Variants in CEP112 observed in about 807,000 individuals in gnomAD.
The protein encoded by CEP112 is centrosomal protein 112.
CEP112 carries 127 observed loss-of-function variants against 153.0 expected under a neutral mutation model. That is an observed-to-expected ratio of 0.83 (90% CI 0.72 to 0.96). The LOEUF (loss-of-function observed/expected upper bound fraction) is 0.96. Among genes scored for constraint, CEP112 ranks in the 40% least tolerant of loss-of-function variants. The probability of loss-of-function intolerance (pLI) is 0.00; values close to 1 mark genes in which losing one functional copy is unlikely to be tolerated. For missense variants in CEP112, 1,089 were observed against 1,101.2 expected (o/e 0.99, Z 0.16); for synonymous variants, 358 against 374.4 (o/e 0.96, Z 0.51).
At chr17:65,840,474 C>T (rs2057475456) in intron 21 of CEP112, among the ~76,000 whole-genome samples, 2 of 152,130 alleles carry the variant, frequency 1.3e-5, no homozygotes, top group South Asian at 4.2e-4. Context: ...AAACCAGGAC[C>T]CTATCTCTCA....
chr17:65,782,547 C>G (rs2054055354), intron 21 of CEP112, among the ~76,000 whole-genome samples: 1 of 152,136 alleles, frequency 6.6e-6, no homozygotes, highest in Admixed American at 6.5e-5. Context: ...CATGAGTGCT[C>G]ACTGCAGCAC....
chr17:66,102,951 T>TGGTG (rs1053220870), intron 6 of CEP112, among the ~76,000 whole-genome samples: 6 of 151,936 alleles, frequency 3.9e-5, no homozygotes, highest in Admixed American at 6.6e-5. Context: ...TAGCCAGGTG[T>TGGTG]GGTGGCTCAC....
chr17:65,762,990 G>A (rs1275369350), intron 21 of CEP112, among the ~76,000 whole-genome samples: 2 of 151,922 alleles, frequency 1.3e-5, no homozygotes, highest in Admixed American at 6.6e-5. Context: ...TTGTGAGGCA[G>A]GTCTACTGGC....
At chr17:65,900,273 C>T (rs757001782) in intron 20 of CEP112, among the ~76,000 whole-genome samples, 2 of 152,122 alleles carry the variant, frequency 1.3e-5, no homozygotes, top group Non-Finnish European at 2.9e-5. Flanking sequence ...CTGGCATTCC[C>T]TTGACAGCAA....
At chr17:65,928,092 T>G (rs2060995317) in intron 18 of CEP112, among the ~76,000 whole-genome samples, 1 of 152,150 alleles carries the variant, frequency 6.6e-6, no homozygotes, top group African/African-American at 2.4e-5. Flanking sequence ...AATGGATAAT[T>G]AAACTCAATT....
chr17:66,037,523 T>C (rs2065786830), intron 12 of CEP112, among the ~76,000 whole-genome samples: 2 of 152,204 alleles, frequency 1.3e-5, no homozygotes, highest in Non-Finnish European at 2.9e-5. Context: ...TTTCCAGTAT[T>C]TATGCATAGT....
At chr17:66,152,059 C>T (rs1319829309) in intron 4 of CEP112, among the ~76,000 whole-genome samples, 1 of 152,062 alleles carries the variant, frequency 6.6e-6, no homozygotes, top group East Asian at 1.9e-4. Flanking sequence ...GCTAGAAAGA[C>T]ATGCAATAGA....
intron 8 of CEP112, among the ~76,000 whole-genome samples, chr17:66,086,318 C>T (rs111670706): frequency 0.042 from 6,298 of 149,602 alleles, 164 homozygotes; most frequent in South Asian, 0.066. Context: ...CATTTATCCT[C>T]ATGCCAACAA....
intron 21 of CEP112, among the ~76,000 whole-genome samples, chr17:65,779,777 C>T (rs2053896902): frequency 6.6e-6 from 1 of 152,074 alleles, no homozygotes; most frequent in Non-Finnish European, 1.5e-5. Flanking sequence ...ATAGGAAAGC[C>T]ACATACTTTA....
At position 65,984,861 on chromosome 17, in the gene CEP112, T is replaced by C. The variant is rs749353768; in HGVS notation, c.1736+20829A>G. 7.3e-4 allele frequency among the ~76,000 whole-genome samples: 110 copies of C among 151,606 alleles called. 1 individual carries two copies. Among genetic ancestry groups the C allele is most frequent in the Non-Finnish European group, 2.8e-4 (19 of 67,924 alleles). On this transcript the variant is annotated intron_variant, in intron 17 of 26. Transcript: ENST00000535342. ...GAAATAATCTAGAGTAAGACAAGAG[T>C]AGGATGAACATGCAAAAAAGACCAA...
intron 26 of CEP112, among the ~76,000 whole-genome samples, chr17:65,636,379 C>G (rs2044769841): frequency 6.6e-6 from 1 of 152,178 alleles, no homozygotes; most frequent in Non-Finnish European, 1.5e-5. Context: ...GATCACTGAG[C>G]TGTTGGTCTA....
chr17:65,975,290 T>C (rs2062990619), intron 17 of CEP112, among the ~76,000 whole-genome samples: 1 of 152,136 alleles, frequency 6.6e-6, no homozygotes, highest in Non-Finnish European at 1.5e-5. Context: ...TAATAAAACA[T>C]ATAAGAAGAA....
At chr17:65,738,922 T>C (rs1272169127) in intron 23 of CEP112, among the ~76,000 whole-genome samples, 1 of 152,152 alleles carries the variant, frequency 6.6e-6, no homozygotes, top group African/African-American at 2.4e-5. Context: ...CTCTCCTAGA[T>C]TGGCCACTAT....
At chr17:65,952,858 GATGA>G (rs1393910340) in intron 18 of CEP112, among the ~76,000 whole-genome samples, 1 of 152,092 alleles carries the variant, frequency 6.6e-6, no homozygotes, top group African/African-American at 2.4e-5. Context: ...GCATTTCCTT[GATGA>G]ATGATGATGA....
At chr17:66,023,958 A>G (rs1471539924) in intron 16 of CEP112, among the ~76,000 whole-genome samples, 1 of 152,200 alleles carries the variant, frequency 6.6e-6, no homozygotes, top group Non-Finnish European at 1.5e-5. Flanking sequence ...CACATCAAAA[A>G]CATAATACAC....
At chr17:66,104,650 A>G (rs1367527488) in intron 6 of CEP112, among the ~76,000 whole-genome samples, 1 of 152,132 alleles carries the variant, frequency 6.6e-6, no homozygotes, top group African/African-American at 2.4e-5. Flanking sequence ...ATTTGGCCAT[A>G]GTAGGGAAGA....
intron 20 of CEP112, among the ~76,000 whole-genome samples, chr17:65,870,071 A>AAGAC: frequency 6.6e-6 from 1 of 151,642 alleles, no homozygotes; most frequent in Non-Finnish European, 1.5e-5. Flanking sequence ...GAAAGAAAGA[A>AAGAC]AGAAAGAAAG....
chr17:66,152,819 G>T (rs1408990502), intron 4 of CEP112, among the ~76,000 whole-genome samples: 2 of 152,108 alleles, frequency 1.3e-5, no homozygotes, highest in African/African-American at 4.8e-5. Flanking sequence ...TGTCTGTGGA[G>T]GTTATCCTCT....
intron 19 of CEP112, among the ~76,000 whole-genome samples, chr17:65,903,697 C>T (rs1598949923): frequency 2.0e-5 from 3 of 152,066 alleles, no homozygotes; most frequent in South Asian, 2.1e-4. Flanking sequence ...TGATGAACAT[C>T]GATGCAAAAA....
Sources: allele counts gnomAD v4.1 joint callset (sites outside exome capture counted in the v4.1 genomes callset), GRCh38; gene constraint gnomAD v4.1.1; transcripts MANE v1.5; gene names NCBI Gene and HGNC (gene_info 2026-07-23, HGNC 2026-07-21).